Variants in ELF1 observed in about 807,000 individuals in gnomAD.
ELF1 encodes E74 like ETS transcription factor 1.
A neutral mutation model predicts 59.9 loss-of-function variants in ELF1; 24 were observed. The ratio of observed to expected loss-of-function variants is 0.40; its 90% CI spans 0.29 to 0.56. The LOEUF (loss-of-function observed/expected upper bound fraction) is 0.56, where lower values mean the gene tolerates loss of function less well. Ranked by LOEUF, ELF1 falls within the 20% of genes least tolerant of loss-of-function variation. ELF1 has a pLI of 0.44. For missense variants in ELF1, 627 were observed against 742.2 expected (o/e 0.84, Z 1.80); for synonymous variants, 248 against 266.2 (o/e 0.93, Z 0.67).
At chr13:41,036,191 CA>C in intron 1 of ELF1, among the ~76,000 whole-genome samples, 1 of 152,174 alleles carries the variant, frequency 6.6e-6, no homozygotes, top group Middle Eastern at 3.4e-3. Flanking sequence ...GCTGGGATTA[CA>C]GGCATGAGCC....
chr13:41,035,104 T>C (rs1472773440), intron 1 of ELF1, among the ~76,000 whole-genome samples: 1 of 152,276 alleles, frequency 6.6e-6, no homozygotes, highest in Non-Finnish European at 1.5e-5. Context: ...TCTAATCACA[T>C]TGTTTGAATC....
At chr13:40,984,879 G>A (rs1873471651) in intron 1 of ELF1, among the ~76,000 whole-genome samples, 2 of 152,062 alleles carry the variant, frequency 1.3e-5, no homozygotes, top group Non-Finnish European at 2.9e-5. Flanking sequence ...GTACCTTTTC[G>A]TACCAGCACT....
intron 2 of ELF1, among the ~76,000 whole-genome samples, chr13:40,974,508 A>T (rs995618255): frequency 1.6e-4 from 25 of 152,192 alleles, no homozygotes; most frequent in African/African-American, 6.0e-4. Context: ...AGGAGCACCT[A>T]CTTCTTAGGA....
chr13:41,034,420 G>A (rs997575122), intron 1 of ELF1, among the ~76,000 whole-genome samples: 11 of 152,100 alleles, frequency 7.2e-5, no homozygotes, highest in African/African-American at 2.2e-4. Context: ...AAATATACAC[G>A]ACTTCTTTGC....
At chr13:40,964,322 G>C (rs1872040771) in intron 2 of ELF1, among the ~76,000 whole-genome samples, 1 of 152,148 alleles carries the variant, frequency 6.6e-6, no homozygotes, top group African/African-American at 2.4e-5. Context: ...CTACAAACTG[G>C]GTCCCTCAGC....
chr13:41,059,451 GT>G (rs1877413500), intron 1 of ELF1, among the ~76,000 whole-genome samples: 1 of 152,152 alleles, frequency 6.6e-6, no homozygotes, highest in South Asian at 2.1e-4. Flanking sequence ...TTTTAACAAG[GT>G]AAGCCTAATT....
At chr13:41,045,930 T>C (rs1423045670) in intron 1 of ELF1, among the ~76,000 whole-genome samples, 3 of 152,192 alleles carry the variant, frequency 2.0e-5, no homozygotes, top group Non-Finnish European at 2.9e-5. Context: ...AGTCTCTCTA[T>C]AGGTCTCTAA....
intron 7 of ELF1, among the ~76,000 whole-genome samples, chr13:40,942,449 T>C (rs1017845501): frequency 6.6e-6 from 1 of 152,216 alleles, no homozygotes; most frequent in Non-Finnish European, 1.5e-5. Flanking sequence ...TGATTTCTAG[T>C]AGTACTCCTG....
chr13:40,959,146 A>C, intron 2 of ELF1, 130 bp from the exon 3 acceptor site: 1 of 1,293,624 alleles, frequency 7.7e-7, no homozygotes, highest in Non-Finnish European at 1.0e-6. Context: ...GTATCTCTAT[A>C]ATCTTTCTAG....
intron 1 of ELF1, among the ~76,000 whole-genome samples, chr13:41,018,832 A>G (rs915997640): frequency 3.3e-5 from 5 of 152,356 alleles, no homozygotes; most frequent in African/African-American, 9.6e-5. Flanking sequence ...TTTAACATCT[A>G]TATCACACAG....
rs1012225251 is a variant in ELF1, at chr13:41,039,508, G to C, written c.-229+21330C>G. Among the ~76,000 whole-genome samples the C allele has an allele frequency of 3.3e-5, 5 of 152,184 alleles. No homozygotes were observed. The South Asian group carries it at 8.3e-4, about 25-fold the overall frequency. On this transcript the variant is annotated intron_variant, in intron 1 of 1. Coordinates refer to the ELF1 transcript ENST00000405737. ...TGTGCAGTTAAGACGATACAATACA[G>C]AACTGTGACAGTGGGCTCACTCTCA...
intron 8 of ELF1, among the ~76,000 whole-genome samples, chr13:40,934,669 C>T (rs2138101802): frequency 6.6e-6 from 1 of 152,232 alleles, no homozygotes; most frequent in South Asian, 2.1e-4. Context: ...ATCCACCCGC[C>T]TCGGCCTCCC....
At chr13:41,000,193 T>G (rs1593387848) in intron 1 of ELF1, among the ~76,000 whole-genome samples, 1 of 151,798 alleles carries the variant, frequency 6.6e-6, no homozygotes, top group African/African-American at 2.4e-5. Context: ...AAGATGCTTT[T>G]GTAAAAATAA....
chr13:40,943,223 G>T (rs1002536072), intron 6 of ELF1, 79 bp from the exon 7 acceptor site: 34 of 1,234,304 alleles, frequency 2.8e-5, no homozygotes, highest in Non-Finnish European at 3.7e-5. Context: ...AAAAGTCTTA[G>T]AAGTGCCATT....
chr13:41,022,748 A>G (rs1875738732), upstream of ELF1, among the ~76,000 whole-genome samples: 1 of 152,126 alleles, frequency 6.6e-6, no homozygotes, highest in Admixed American at 6.5e-5. Flanking sequence ...GTGTGGTGGC[A>G]GACACCTGTA....
chr13:40,977,715 T>A (rs748908530), intron 2 of ELF1, among the ~76,000 whole-genome samples: 1 of 152,222 alleles, frequency 6.6e-6, no homozygotes, highest in African/African-American at 2.4e-5. Context: ...AGGGTTTTCA[T>A]GTAGCTTAAC....
At chr13:40,955,043 A>G (rs1871147035) in intron 3 of ELF1, among the ~76,000 whole-genome samples, 1 of 146,722 alleles carries the variant, frequency 6.8e-6, no homozygotes, top group South Asian at 2.2e-4. Flanking sequence ...AGATGTGGGG[A>G]GCGCCTCTGC....
chr13:40,951,995 C>CA (rs1339573479), intron 3 of ELF1, among the ~76,000 whole-genome samples: 3 of 152,104 alleles, frequency 2.0e-5, no homozygotes. Flanking sequence ...AAAGACAAGA[C>CA]AGTTTTTTGC....
intron 5 of ELF1, among the ~76,000 whole-genome samples, chr13:40,946,578 G>A (rs1870525274): frequency 6.6e-6 from 1 of 152,136 alleles, no homozygotes; most frequent in Non-Finnish European, 1.5e-5. Flanking sequence ...TACATCAAGT[G>A]TGCCTGTGTC....
Sources: allele counts gnomAD v4.1 joint callset (sites outside exome capture counted in the v4.1 genomes callset), GRCh38; gene constraint gnomAD v4.1.1; transcripts MANE v1.5; gene names NCBI Gene and HGNC (gene_info 2026-07-23, HGNC 2026-07-21).